The following MAP3K2 variants were observed in gnomAD, a reference collection of about 807,000 sequenced individuals.
The protein encoded by MAP3K2 is MAP/ERK kinase kinase 2.
A neutral mutation model predicts 80.3 loss-of-function variants in MAP3K2; 24 were observed. The observed-to-expected ratio is 0.30, with a 90% CI of 0.22 to 0.42. MAP3K2 has a LOEUF of 0.42. Among genes scored for constraint, MAP3K2 ranks in the 10% least tolerant of loss-of-function variants. MAP3K2 has a pLI of 1.00. For missense variants in MAP3K2, 608 were observed against 750.1 expected (o/e 0.81, Z 2.21); for synonymous variants, 244 against 253.7 (o/e 0.96, Z 0.36).
At chr2:127,323,561 C>T (rs776663125) in intron 11 of MAP3K2, among the ~76,000 whole-genome samples, 1 of 151,840 alleles carries the variant, frequency 6.6e-6, no homozygotes, top group Middle Eastern at 3.2e-3. Flanking sequence ...ATGGCAAATG[C>T]CTGTAATGGC....
intron 1 of MAP3K2, among the ~76,000 whole-genome samples, chr2:127,373,566 G>A (rs552731921): frequency 6.6e-6 from 1 of 152,246 alleles, no homozygotes; most frequent in South Asian, 2.1e-4. Context: ...AACTCCTACG[G>A]CACAAAGGGA....
chr2:127,338,352 G>C (rs1686411965), intron 3 of MAP3K2, among the ~76,000 whole-genome samples: 1 of 152,108 alleles, frequency 6.6e-6, no homozygotes, highest in Admixed American at 6.5e-5. Context: ...TAACTTTTAA[G>C]TTCAGGGGTA....
chr2:127,317,576 T>C, intron 14 of MAP3K2, 53 bp downstream of exon 14: 1 of 1,414,000 alleles, frequency 7.1e-7, no homozygotes, highest in African/African-American at 1.5e-5. Flanking sequence ...TTTTCTTTTA[T>C]TAACTAAAAT....
chr2:127,302,129 G>A lies in MAP3K2; in HGVS notation c.*5450C>T, dbSNP rs1419724348. On this transcript the variant is annotated 3_prime_UTR_variant, in exon 17 of 17. Transcript: ENST00000682094. ...AGAATTTCAGTTCCAAAAAGTTCAG[G>A]AAGAACTATGTAAAATCAATTACTT... is the stretch of plus-strand genomic sequence containing the variant. 1 of 152,104 alleles carries A rather than the reference G, an allele frequency of 6.6e-6. No homozygotes were observed. The highest frequency in any genetic ancestry group is 6.6e-5 in the Admixed American group (1 of 15,262). 9.4% of individuals were successfully genotyped at this position (152,104 alleles called of 1,614,324 possible).
At chr2:127,350,454 C>CAAAAAAAAAAAAAAAAAAAAAAA (rs752516255) in intron 1 of MAP3K2, among the ~76,000 whole-genome samples, 2 of 99,416 alleles carry the variant, frequency 2.0e-5, no homozygotes, top group African/African-American at 3.9e-5. Flanking sequence ...AAAACAAAAA[C>CAAAAAAAAAAAAAAAAAAAAAAA]AAAAAAAAAA....
chr2:127,344,114 G>A (rs1686551301), intron 1 of MAP3K2, among the ~76,000 whole-genome samples: 1 of 152,088 alleles, frequency 6.6e-6, no homozygotes, highest in African/African-American at 2.4e-5. Context: ...TAGAAAATAA[G>A]ATGAAAAATA....
At chr2:127,337,833 TAGATA>T (rs1686402841) in intron 3 of MAP3K2, 55 bp from the exon 4 acceptor site, 1 of 1,022,386 alleles carries the variant, frequency 9.8e-7, no homozygotes, top group East Asian at 2.8e-5. Flanking sequence ...ATTCAGAGAT[TAGATA>T]AAATTTCTAC....
intron 1 of MAP3K2, among the ~76,000 whole-genome samples, chr2:127,358,078 C>A (rs1308247872): frequency 6.6e-6 from 1 of 151,976 alleles, no homozygotes; most frequent in Non-Finnish European, 1.5e-5. Flanking sequence ...ACATACCTGA[C>A]AAAATATTTG....
intron 1 of MAP3K2, among the ~76,000 whole-genome samples, chr2:127,386,543 A>C (rs1338207788): frequency 6.6e-6 from 1 of 152,216 alleles, no homozygotes; most frequent in Non-Finnish European, 1.5e-5. Flanking sequence ...TCAAACTACA[A>C]AAGTAAATTT....
At chr2:127,369,676 A>C (rs1203638630) in intron 1 of MAP3K2, among the ~76,000 whole-genome samples, 1 of 152,024 alleles carries the variant, frequency 6.6e-6, no homozygotes, top group African/African-American at 2.4e-5. Flanking sequence ...GTTCACAAAT[A>C]CTTGTTTTTA....
chr2:127,353,603 GT>G (rs1686741596), intron 1 of MAP3K2, among the ~76,000 whole-genome samples: 1 of 150,682 alleles, frequency 6.6e-6, no homozygotes, highest in East Asian at 2.0e-4. Context: ...CAGCCGCCCC[GT>G]CCGGGAGGGA....
chr2:127,366,875 T>TG (rs1243522188), intron 1 of MAP3K2, among the ~76,000 whole-genome samples: 8 of 136,100 alleles, frequency 5.9e-5, no homozygotes, highest in Admixed American at 2.9e-4. Context: ...GGTTTTTTTT[T>TG]TTTTTTTTTT....
At chr2:127,368,158 CTACAAA>C (rs1687003050) in intron 1 of MAP3K2, among the ~76,000 whole-genome samples, 2 of 151,862 alleles carry the variant, frequency 1.3e-5, no homozygotes, top group African/African-American at 4.8e-5. Context: ...CCTGTCTCTA[CTACAAA>C]TAGGAAAATT....
At chr2:127,356,596 T>C (rs2104867165) in intron 1 of MAP3K2, among the ~76,000 whole-genome samples, 1 of 152,332 alleles carries the variant, frequency 6.6e-6, no homozygotes, top group South Asian at 2.1e-4. Flanking sequence ...CAGGTGATCC[T>C]CCCACTTTGG....
At position 127,303,945 on chromosome 2, in the gene MAP3K2, C is replaced by T. The variant is rs1685646779; in HGVS notation, c.*3634G>A. ...TAACAACTCCATGTCAGAAATACTA[C>T]AGAGCAGATCTGACATATATATGAG... On this transcript the variant is annotated 3_prime_UTR_variant, in exon 17 of 17. Transcript: ENST00000682094. 6.6e-6 allele frequency: 1 copy of T among 152,122 alleles called. No homozygotes were observed. The highest frequency in any genetic ancestry group is 2.4e-5 in the African/African-American group (1 of 41,446). The allele number at this position is 152,122 out of a possible 1,614,324, so 9.4% of individuals were successfully genotyped here.
At chr2:127,385,782 G>A (rs1362010380) in intron 1 of MAP3K2, among the ~76,000 whole-genome samples, 1 of 152,160 alleles carries the variant, frequency 6.6e-6, no homozygotes, top group African/African-American at 2.4e-5. Context: ...TATCAAACAT[G>A]ACTTTATTTT....
chr2:127,385,427 C>G (rs559860527), intron 1 of MAP3K2, among the ~76,000 whole-genome samples: 2 of 152,156 alleles, frequency 1.3e-5, no homozygotes, highest in Non-Finnish European at 2.9e-5. Flanking sequence ...AGACATAATG[C>G]CATTGCACAC....
chr2:127,320,477 A>C lies in MAP3K2; in HGVS notation c.1045+1569T>G, dbSNP rs879202379. On this transcript the variant is annotated intron_variant, in intron 12 of 16. Coordinates refer to ENST00000682094, the MANE Select transcript of MAP3K2 (RefSeq NM_001371910.2). ...GGAGAGGGAGGGAGAGAGAGAGACAACAGAGGTATGAGACAGTATCAAATA... is the reference window on the plus strand; with the variant it reads ...GGAGAGGGAGGGAGAGAGAGAGACACCAGAGGTATGAGACAGTATCAAATA... 3.3e-5 allele frequency among the ~76,000 whole-genome samples: 5 copies of C among 152,202 alleles called. No homozygotes were observed. In the South Asian group the frequency reaches 1.0e-3, roughly 32 times the overall value.
intron 1 of MAP3K2, among the ~76,000 whole-genome samples, chr2:127,353,578 A>G (rs1390335179): frequency 1.3e-5 from 2 of 148,310 alleles, no homozygotes; most frequent in Admixed American, 6.7e-5. Flanking sequence ...GGGGGGGGTC[A>G]GCCCCCCGCC....
Sources: gnomAD v4.1 joint callset for allele counts (sites outside exome capture counted in the v4.1 genomes callset) on GRCh38, gnomAD v4.1.1 for gene constraint, MANE v1.5 for transcripts, NCBI Gene and HGNC (gene_info 2026-07-23, HGNC 2026-07-21) for gene names.